The following SI variants were observed in gnomAD, a reference collection of about 807,000 sequenced individuals.
SI encodes sucrase-isomaltase, intestinal.
A neutral mutation model predicts 253.3 loss-of-function variants in SI; 235 were observed. The ratio of observed to expected loss-of-function variants is 0.93; its 90% confidence interval spans 0.83 to 1.03. The LOEUF (loss-of-function observed/expected upper bound fraction) is 1.03, where lower values mean the gene tolerates loss of function less well. Among genes scored for constraint, SI ranks in the 50% least tolerant of loss-of-function variants. The pLI is 0.00. For missense variants in SI, 2,442 were observed against 2,211.1 expected (o/e 1.10, Z -2.09); for synonymous variants, 819 against 712.0 (o/e 1.15, Z -2.39).
In SI at chr3:165,074,528, G is replaced by A. The variant is rs771798836; in HGVS notation, c.255+3C>T. ...AAAAATATTAAAGACTTTTGCTGCA[G>A]ACCTCTGTTGGGAATTGTTCTGGAA... is the stretch of plus-strand genomic sequence containing the variant. On this transcript the variant is annotated splice_donor_region_variant and intron_variant, in intron 3 of 47. Coordinates refer to ENST00000264382, the MANE Select transcript of SI (RefSeq NM_001041.4). The A allele has an allele frequency of 6.3e-7, 1 of 1,594,628 alleles. No homozygotes were observed. The highest frequency in any genetic ancestry group is 8.6e-7 in the Non-Finnish European group (1 of 1,168,034).
At chr3:165,065,460 A>C in intron 6 of SI, 28 bp from the exon 7 acceptor site, 1 of 478,304 alleles carries the variant, frequency 2.1e-6, no homozygotes, top group Non-Finnish European at 3.1e-6. Context: ...TAAAGAAATA[A>C]TCTAATATAT....
chr3:165,088,494 T>A, the SI span, among the ~76,000 whole-genome samples: 1 of 151,152 alleles, frequency 6.6e-6, no homozygotes, highest in African/African-American at 2.4e-5. Context: ...AACACAAAAA[T>A]TAGCTAGGCA....
intron 25 of SI, among the ~76,000 whole-genome samples, chr3:165,024,444 A>G (rs1711794703): frequency 6.6e-6 from 1 of 151,270 alleles, no homozygotes; most frequent in Non-Finnish European, 1.5e-5. Flanking sequence ...GAAATATTAT[A>G]TTTATCTACA....
At chr3:165,067,555 G>C in intron 5 of SI, 64 bp from the exon 6 acceptor site, 1 of 1,338,156 alleles carries the variant, frequency 7.5e-7, no homozygotes, top group Non-Finnish European at 1.1e-6. Context: ...TTCCAGTTCT[G>C]AATTATTAAA....
At position 165,032,617 on chromosome 3, in the gene SI, G is replaced by A. The variant is rs747846386; in HGVS notation, c.2641C>T (p.Leu881Phe). Reference protein sequence around the residue: ...TTLAFQTVKILGLTDSVTEVR... With the variant: ...TTLAFQTVKIFGLTDSVTEVR... ...TCTGTAACACTGTCTGTCAACCCAA[G>A]GATTTTTACAGTCTGAAATGCTAAG... Residue 881 changes from leucine to phenylalanine, a missense_variant, in exon 24 of 48, where the codon CTT becomes TTT. Transcript: ENST00000264382. The A allele has an allele frequency of 6.2e-7, 1 of 1,608,554 alleles. No individual in the cohort carries two copies. Among genetic ancestry groups the A allele is most frequent in the South Asian group, 1.1e-5 (1 of 90,920 alleles).
At chr3:164,988,896 G>A (rs1404799040) in intron 44 of SI, among the ~76,000 whole-genome samples, 1 of 152,064 alleles carries the variant, frequency 6.6e-6, no homozygotes, top group African/African-American at 2.4e-5. Context: ...AGGCAAATAA[G>A]AGAAGGGCCT....
rs541491902 is a variant in SI at position 165,065,257 on chromosome 3, T to C, written c.807+4A>G. On this transcript the variant is annotated splice_donor_region_variant and intron_variant, in intron 7 of 47. Coordinates refer to ENST00000264382, the MANE Select transcript of SI (RefSeq NM_001041.4). ...TATTTATAACAAGAAAAATAATTTC[T>C]TACATCACCAGGAAGTTGGTCTCGA... The C allele has an allele frequency of 8.2e-6, 13 of 1,577,436 alleles. No homozygotes were observed. The Admixed American group carries it at 2.2e-4, about 27-fold the overall frequency.
At chr3:165,003,293 G>A (rs1285580375) in intron 37 of SI, among the ~76,000 whole-genome samples, 1 of 151,556 alleles carries the variant, frequency 6.6e-6, no homozygotes, top group Non-Finnish European at 1.5e-5. Context: ...CATAATTTTT[G>A]TCAATAAGAT....
intron 12 of SI, among the ~76,000 whole-genome samples, chr3:165,058,382 A>G (rs1034580765): frequency 1.3e-5 from 2 of 151,928 alleles, no homozygotes; most frequent in African/African-American, 4.8e-5. Context: ...TTAAAGAACT[A>G]GAAAAGCAAG....
intron 25 of SI, among the ~76,000 whole-genome samples, chr3:165,024,855 C>A (rs1711820876): frequency 6.6e-6 from 1 of 151,152 alleles, no homozygotes; most frequent in Admixed American, 6.6e-5. Flanking sequence ...CTCTTGAACT[C>A]ACTCTAACTA....
At chr3:165,019,574 C>T (rs1023288862) in intron 28 of SI, 28 bp downstream of exon 28, 7 of 1,606,104 alleles carry the variant, frequency 4.4e-6, no homozygotes, top group Non-Finnish European at 6.0e-6. Flanking sequence ...TTAGTTGCCT[C>T]GTGGAGTGGT....
Position 164,998,521 on chromosome 3 carries a change from G to T in SI, c.4540+19C>A. On this transcript the variant is annotated intron_variant, in intron 38 of 47. Transcript: ENST00000264382. ...ATAGAAAACACAAAATAATAATAAA[G>T]ATGGTGACTTTCACTTACCAATGAT... 3.1e-6 allele frequency: 5 copies of T among 1,610,186 alleles called. No homozygotes were observed. Among genetic ancestry groups the T allele is most frequent in the Non-Finnish European group, 4.2e-6 (5 of 1,177,076 alleles).
At chr3:165,021,157 T>C in intron 27 of SI, 72 bp downstream of exon 27, 1 of 1,336,932 alleles carries the variant, frequency 7.5e-7, no homozygotes, top group African/African-American at 1.4e-5. Flanking sequence ...GTGAAGGCTG[T>C]TAATCATTTT....
chr3:165,043,678 C>A (rs1041728874), intron 16 of SI, among the ~76,000 whole-genome samples: 8 of 152,074 alleles, frequency 5.3e-5, no homozygotes, highest in South Asian at 2.1e-4. Flanking sequence ...TATCCTTATT[C>A]AAGGACTCTC....
At chr3:165,076,451 C>A (rs955849707) in intron 1 of SI, among the ~76,000 whole-genome samples, 1 of 151,736 alleles carries the variant, frequency 6.6e-6, no homozygotes, top group Non-Finnish European at 1.5e-5. Context: ...TGATCAGGAA[C>A]TTTAAGCTTA....
chr3:165,048,986 C>T, intron 15 of SI, 141 bp downstream of exon 15: 4 of 670,210 alleles, frequency 6.0e-6, no homozygotes, highest in Non-Finnish European at 1.1e-5. Flanking sequence ...ATTTTGAATG[C>T]CATAACTTTT....
At chr3:165,036,988 A>G (rs1464797108) in intron 21 of SI, among the ~76,000 whole-genome samples, 1 of 151,438 alleles carries the variant, frequency 6.6e-6, no homozygotes, top group Non-Finnish European at 1.5e-5. Context: ...TTTTAGTTAC[A>G]TTTTACCAGG....
At chr3:164,996,038 C>T (rs1219826605) in intron 40 of SI, among the ~76,000 whole-genome samples, 1 of 151,620 alleles carries the variant, frequency 6.6e-6, no homozygotes, top group African/African-American at 2.4e-5. Context: ...CTCTATTGTC[C>T]AGCTTTCAAA....
chr3:165,053,689 A>C (rs1438498252), intron 13 of SI, among the ~76,000 whole-genome samples: 2 of 152,120 alleles, frequency 1.3e-5, no homozygotes, highest in African/African-American at 4.8e-5. Flanking sequence ...TTCAGTTCTC[A>C]ATGAATGCAA....
Sources: allele counts gnomAD v4.1 joint callset (sites outside exome capture counted in the v4.1 genomes callset), GRCh38; gene constraint gnomAD v4.1.1; transcripts MANE v1.5; gene names NCBI Gene and HGNC (gene_info 2026-07-23, HGNC 2026-07-21).